FAM168A: variants seen among roughly 807,000 people sequenced by gnomAD.
FAM168A encodes the protein protein FAM168A.
A neutral mutation model predicts 28.5 loss-of-function variants in FAM168A; 3 were observed. The ratio of observed to expected loss-of-function variants is 0.11; its 90% confidence interval spans 0.05 to 0.27. FAM168A has a LOEUF of 0.27. Ranked by LOEUF, FAM168A falls within the 10% of genes least tolerant of loss-of-function variation. The pLI, the probability that FAM168A is intolerant of heterozygous loss-of-function variation, is 1.00. For missense variants in FAM168A, 222 were observed against 311.5 expected (o/e 0.71, Z 2.16); for synonymous variants, 122 against 124.2 (o/e 0.98, Z 0.12).
At chr11:73,448,810 T>C (rs557175326) in intron 2 of FAM168A, among the ~76,000 whole-genome samples, 1 of 152,322 alleles carries the variant, frequency 6.6e-6, no homozygotes, top group African/African-American at 2.4e-5. Context: ...CAAAGAATCA[T>C]AGAGATATTG....
At chr11:73,545,519 T>C (rs1474848643) in intron 1 of FAM168A, among the ~76,000 whole-genome samples, 1 of 152,042 alleles carries the variant, frequency 6.6e-6, no homozygotes, top group East Asian at 1.9e-4. Context: ...CTGACTGTGG[T>C]AATGATTATG....
At chr11:73,462,874 AGAGAAGAGAGGAGAGGAG>A (rs1867672147) in intron 2 of FAM168A, among the ~76,000 whole-genome samples, 1 of 151,728 alleles carries the variant, frequency 6.6e-6, no homozygotes, top group African/African-American at 2.4e-5. Flanking sequence ...AGAAAAGAGA[AGAGAAGAGAGGAGAGGAG>A]AAGAGAAGAG....
At chr11:73,514,798 A>C (rs1288883467) in intron 1 of FAM168A, among the ~76,000 whole-genome samples, 1 of 152,008 alleles carries the variant, frequency 6.6e-6, no homozygotes. Context: ...ACAGTACTGC[A>C]TTCCAGCCTG....
At chr11:73,472,249 T>C (rs1364636739) in intron 1 of FAM168A, among the ~76,000 whole-genome samples, 2 of 152,182 alleles carry the variant, frequency 1.3e-5, no homozygotes, top group African/African-American at 4.8e-5. Flanking sequence ...AAAGTGTCAT[T>C]GAGTGACATC....
chr11:73,578,346 G>A (rs908721337), intron 1 of FAM168A, among the ~76,000 whole-genome samples: 1 of 152,152 alleles, frequency 6.6e-6, no homozygotes, highest in African/African-American at 2.4e-5. Flanking sequence ...GGGAGGTGAT[G>A]GATATGTTCA....
intron 1 of FAM168A, among the ~76,000 whole-genome samples, chr11:73,479,028 C>T (rs1230328088): frequency 1.3e-5 from 2 of 152,060 alleles, no homozygotes; most frequent in Non-Finnish European, 2.9e-5. Flanking sequence ...GAGATGTAAC[C>T]GAAATACTCT....
intron 1 of FAM168A, among the ~76,000 whole-genome samples, chr11:73,551,416 G>C (rs1276317681): frequency 6.6e-6 from 1 of 152,106 alleles, no homozygotes; most frequent in African/African-American, 2.4e-5. Flanking sequence ...ATCTTAAATG[G>C]GTCTCTCTCC....
chr11:73,432,826 T>A (rs576511905), intron 2 of FAM168A, among the ~76,000 whole-genome samples: 13 of 152,060 alleles, frequency 8.5e-5, no homozygotes, highest in Non-Finnish European at 1.3e-4. Flanking sequence ...GGGGCTGCAG[T>A]GAGCCGAGAT....
In FAM168A at chr11:73,513,376, A is replaced by AT. The variant is rs575007954; in HGVS notation, c.-18-44885dup. Among the ~76,000 whole-genome samples the AT allele has an allele frequency of 9.6e-3, 1,377 of 142,998 alleles. 13 individuals are homozygous for AT. Among genetic ancestry groups the AT allele is most frequent in the Middle Eastern group, 0.025 (7 of 278 alleles). The allele number at this position is 142,998 out of a possible 152,430, so 93.8% of individuals were successfully genotyped here. ...AGGCGTCCAACACCATGCCCAGCTA[A>AT]TTTTTTTTTTTTTGTATTTTTAGTA... On this transcript the variant is annotated intron_variant, in intron 1 of 7. Transcript: ENST00000356467.
At chr11:73,471,938 T>C (rs1867820036) in intron 1 of FAM168A, among the ~76,000 whole-genome samples, 2 of 152,042 alleles carry the variant, frequency 1.3e-5, no homozygotes, top group African/African-American at 2.4e-5. Context: ...CCAGGCAGCA[T>C]AGCAGGAGGT....
intron 1 of FAM168A, among the ~76,000 whole-genome samples, chr11:73,511,208 G>T (rs1329704841): frequency 3.3e-5 from 5 of 151,826 alleles, no homozygotes; most frequent in Non-Finnish European, 5.9e-5. Flanking sequence ...GGTAAAGGGA[G>T]CAATAAGCTC....
At chr11:73,597,594 A>C (rs1590763871) in intron 1 of FAM168A, among the ~76,000 whole-genome samples, 1 of 144,816 alleles carries the variant, frequency 6.9e-6, no homozygotes. Context: ...AAGCCATCCC[A>C]CCCTAGTCTC....
intron 1 of FAM168A, among the ~76,000 whole-genome samples, chr11:73,482,255 A>T (rs1268778897): frequency 6.7e-6 from 1 of 149,684 alleles, no homozygotes; most frequent in Non-Finnish European, 1.5e-5. Context: ...CTACCCTAGA[A>T]ATGCACAGAA....
At chr11:73,497,575 T>C (rs1378522210) in intron 1 of FAM168A, among the ~76,000 whole-genome samples, 3 of 152,224 alleles carry the variant, frequency 2.0e-5, no homozygotes, top group Non-Finnish European at 2.9e-5. Flanking sequence ...ACTTGATATG[T>C]GGCTATTGAA....
chr11:73,556,235 G>A (rs901445642), intron 1 of FAM168A, among the ~76,000 whole-genome samples: 1 of 151,842 alleles, frequency 6.6e-6, no homozygotes, highest in African/African-American at 2.4e-5. Context: ...TGTAGTCCTA[G>A]CTGGTTGGGA....
intron 1 of FAM168A, among the ~76,000 whole-genome samples, chr11:73,512,255 G>A (rs926836784): frequency 4.6e-5 from 7 of 152,066 alleles, no homozygotes; most frequent in East Asian, 1.9e-4. Context: ...CCCATATCAC[G>A]CTTATAACTA....
In FAM168A at chr11:73,423,513, C is replaced by T. The variant is rs532590010; in HGVS notation, c.152-3514G>A. 9.8e-5 allele frequency among the ~76,000 whole-genome samples: 15 copies of T among 152,300 alleles called. No homozygotes were observed. The South Asian group carries it at 2.5e-3, about 25-fold the overall frequency. On this transcript the variant is annotated intron_variant, in intron 3 of 7. Transcript: ENST00000356467. ...CCAGCCCATACTACAGCCACAGAAA[C>T]TGCTTATCATTCCCAGAATATGCCA...
chr11:73,444,988 G>C (rs760203683), intron 2 of FAM168A, among the ~76,000 whole-genome samples: 33 of 152,292 alleles, frequency 2.2e-4, no homozygotes, highest in South Asian at 8.3e-4. Flanking sequence ...GGCTGGCCGC[G>C]GTGGCTCACA....
intron 1 of FAM168A, among the ~76,000 whole-genome samples, chr11:73,568,723 C>T (rs190538856): frequency 6.6e-6 from 1 of 151,924 alleles, no homozygotes; most frequent in Non-Finnish European, 1.5e-5. Context: ...AGTGAAACCC[C>T]GTATCTACTA....
Sources: gnomAD v4.1 joint callset for allele counts (sites outside exome capture counted in the v4.1 genomes callset) on GRCh38, gnomAD v4.1.1 for gene constraint, MANE v1.5 for transcripts, NCBI Gene and HGNC (gene_info 2026-07-23, HGNC 2026-07-21) for gene names.